FHIT: variants seen among roughly 807,000 people sequenced by gnomAD.
FHIT encodes bis(5'-adenosyl)-triphosphatase.
A neutral mutation model predicts 17.9 loss-of-function variants in FHIT; 19 were observed. The observed-to-expected ratio is 1.06, with a 90% confidence interval of 0.74 to 1.56. The LOEUF (loss-of-function observed/expected upper bound fraction) is 1.56. Ranked by LOEUF, FHIT falls within the 40% of genes most tolerant of loss-of-function variation. The pLI is 0.00. For synonymous variants in FHIT, 81 were observed against 69.7 expected (o/e 1.16, Z -0.81); for missense variants, 248 against 189.2 (o/e 1.31, Z -1.82).
chr3:60,791,791 T>A (rs1354600074), intron 4 of FHIT, among the ~76,000 whole-genome samples: 1 of 152,220 alleles, frequency 6.6e-6, no homozygotes, highest in African/African-American at 2.4e-5. Flanking sequence ...CAATCCCCAG[T>A]TAAGCCCCAC....
At chr3:59,813,040 T>C (rs536368096) in intron 8 of FHIT, among the ~76,000 whole-genome samples, 17 of 152,362 alleles carry the variant, frequency 1.1e-4, no homozygotes, top group African/African-American at 3.4e-4. Flanking sequence ...TGAGTTGTTA[T>C]AGTTTTCATT....
chr3:60,217,130 C>T (rs959488947), intron 5 of FHIT, among the ~76,000 whole-genome samples: 3 of 152,134 alleles, frequency 2.0e-5, no homozygotes, highest in Non-Finnish European at 4.4e-5. Context: ...TAAAATGATA[C>T]AGAATGTTAA....
At chr3:60,425,541 A>T (rs1576633698) in intron 5 of FHIT, among the ~76,000 whole-genome samples, 1 of 152,160 alleles carries the variant, frequency 6.6e-6, no homozygotes, top group East Asian at 1.9e-4. Context: ...TAGCAGTTAA[A>T]AAAAGAAAAT....
At chr3:60,923,859 C>T (rs1478683664) in intron 3 of FHIT, among the ~76,000 whole-genome samples, 3 of 152,202 alleles carry the variant, frequency 2.0e-5, no homozygotes, top group Non-Finnish European at 4.4e-5. Flanking sequence ...CACTCCCACC[C>T]TAATACTGTG....
rs564205037 is a variant in FHIT, at chr3:60,413,798, A to T, written c.103+123062T>A. ...ACACAAAAAATGCAGATCAGAAGAA[A>T]CATAACCTCAGTCACTTCATATTAA... On this transcript the variant is annotated intron_variant, in intron 5 of 9. Transcript: ENST00000492590. Among the ~76,000 whole-genome samples, 3 of 152,338 alleles carry T rather than the reference A, an allele frequency of 2.0e-5. No individual in the cohort carries two copies. In the South Asian group the frequency reaches 6.2e-4, roughly 32 times the overall value.
chr3:59,773,118 G>T lies in FHIT; in HGVS notation c.349-20797C>A, dbSNP rs571187548. ...TTTTCAAGGGGTCCACAATTCAGTT[G>T]TATCTTGAGTGGAAATCTTATTCTG... On this transcript the variant is annotated intron_variant, in intron 8 of 9. Coordinates refer to ENST00000492590, the MANE Select transcript of FHIT (RefSeq NM_002012.4). Among the ~76,000 whole-genome samples, 10 of 152,276 alleles carry T rather than the reference G, an allele frequency of 6.6e-5. No homozygotes were observed. The East Asian group carries it at 1.7e-3, about 26-fold the overall frequency.
intron 5 of FHIT, among the ~76,000 whole-genome samples, chr3:60,066,621 C>G (rs1213017545): frequency 8.3e-6 from 1 of 120,152 alleles, no homozygotes; most frequent in Admixed American, 9.0e-5. Context: ...TGATTTTAAT[C>G]CCTGACAAAT....
At chr3:60,744,253 AAAAAC>A (rs1348287992) in intron 4 of FHIT, among the ~76,000 whole-genome samples, 3 of 72,608 alleles carry the variant, frequency 4.1e-5, no homozygotes, top group South Asian at 6.1e-4. Flanking sequence ...ATGTAAAAAA[AAAAAC>A]AAAACAAAAC....
At position 60,102,709 on chromosome 3, in the gene FHIT, A is replaced by T. The variant is rs141347406; in HGVS notation, c.104-88557T>A. ...CATGTCAATAACACTCCCCAAGCAA[A>T]GCTTCATATCTTTTTAATTCCTAGG... On this transcript the variant is annotated intron_variant, in intron 5 of 9. Coordinates refer to ENST00000492590, the MANE Select transcript of FHIT (RefSeq NM_002012.4). 8.4e-3 allele frequency among the ~76,000 whole-genome samples: 1,283 copies of T among 152,314 alleles called. 11 individuals are homozygous for T. Among genetic ancestry groups the T allele is most frequent in the Non-Finnish European group, 0.014 (935 of 68,020 alleles).
intron 8 of FHIT, among the ~76,000 whole-genome samples, chr3:59,795,587 G>A (rs926047422): frequency 7.3e-5 from 11 of 150,600 alleles, no homozygotes; most frequent in Non-Finnish European, 1.5e-4. Context: ...AGCTGGGCAC[G>A]GTGGTGGGTG....
chr3:59,853,296 C>A (rs1284461917), intron 8 of FHIT, among the ~76,000 whole-genome samples: 3 of 152,144 alleles, frequency 2.0e-5, no homozygotes, highest in African/African-American at 7.2e-5. Flanking sequence ...CTTCATTTTA[C>A]AGTTCAAGAA....
chr3:60,910,805 CT>C (rs1706704102), intron 3 of FHIT, among the ~76,000 whole-genome samples: 2 of 152,238 alleles, frequency 1.3e-5, no homozygotes, highest in East Asian at 3.9e-4. Context: ...CCACAAAATC[CT>C]AGATTCACCC....
rs564742808 is a variant in FHIT at position 60,924,989 on chromosome 3, C to T, written c.-110-102978G>A. ...GGAAGATCAAATGAATGAAATGAAG[C>T]AAGAAGGGAAGTTTAGAGAAAAAAG... On this transcript the variant is annotated intron_variant, in intron 3 of 9. Coordinates refer to ENST00000492590, the MANE Select transcript of FHIT (RefSeq NM_002012.4). Among the ~76,000 whole-genome samples, 319 of 152,092 alleles carry T rather than the reference C, an allele frequency of 2.1e-3. 2 individuals carry two copies. Among genetic ancestry groups the T allele is most frequent in the African/African-American group, 7.5e-3 (309 of 41,474 alleles).
At chr3:60,091,715 C>G (rs1341875791) in intron 5 of FHIT, among the ~76,000 whole-genome samples, 2 of 152,024 alleles carry the variant, frequency 1.3e-5, no homozygotes, top group Non-Finnish European at 2.9e-5. Flanking sequence ...AGTAAGTTAC[C>G]ATGAGATCTG....
chr3:60,630,959 CACAG>C (rs2039426177), intron 4 of FHIT, among the ~76,000 whole-genome samples: 1 of 82,054 alleles, frequency 1.2e-5, no homozygotes, highest in Non-Finnish European at 2.7e-5. Context: ...AAAAAAAACA[CACAG>C]AAATAACTGA....
chr3:60,080,031 G>C (rs969032994), intron 5 of FHIT, among the ~76,000 whole-genome samples: 1 of 151,760 alleles, frequency 6.6e-6, no homozygotes, highest in African/African-American at 2.4e-5. Context: ...ACTCAATCTG[G>C]GTTAATTTAC....
intron 1 of FHIT, among the ~76,000 whole-genome samples, chr3:61,232,005 T>C (rs2040115743): frequency 6.6e-6 from 1 of 151,830 alleles, no homozygotes. Context: ...TCTGCACCAA[T>C]AAAAGGAGTG....
intron 5 of FHIT, among the ~76,000 whole-genome samples, chr3:60,249,397 G>A (rs994565885): frequency 6.6e-5 from 10 of 152,072 alleles, no homozygotes; most frequent in African/African-American, 2.4e-4. Context: ...TGTGCTCTGA[G>A]GGAGGCTGAC....
chr3:59,938,015 T>C (rs1706326744), intron 7 of FHIT, among the ~76,000 whole-genome samples: 1 of 152,172 alleles, frequency 6.6e-6, no homozygotes, highest in African/African-American at 2.4e-5. Flanking sequence ...CAAGTGGAGC[T>C]GCAACTTTTT....
Sources: allele counts gnomAD v4.1 joint callset (sites outside exome capture counted in the v4.1 genomes callset), GRCh38; gene constraint gnomAD v4.1.1; transcripts MANE v1.5; gene names NCBI Gene and HGNC (gene_info 2026-07-23, HGNC 2026-07-21).